CHMP7: variants seen among roughly 807,000 people sequenced by gnomAD.
CHMP7 encodes CHMP family, member 7.
CHMP7 carries 15 observed loss-of-function variants against 53.7 expected under a neutral mutation model. The ratio of observed to expected loss-of-function variants is 0.28; its 90% CI spans 0.19 to 0.43. CHMP7 has a LOEUF of 0.43. Ranked by LOEUF, CHMP7 falls within the 20% of genes least tolerant of loss-of-function variation. The probability of loss-of-function intolerance (pLI) is 1.00; values close to 1 mark genes in which losing one functional copy is unlikely to be tolerated. For synonymous variants in CHMP7, 261 were observed against 228.0 expected, an observed-to-expected ratio of 1.14 and a Z score of -1.30; for missense variants, 527 against 569.4, an observed-to-expected ratio of 0.93 and a Z score of 0.76.
rs1244817210 is a variant in CHMP7, at chr8:23,248,067, C to T, written c.299+1073C>T. On this transcript the variant is annotated intron_variant, in intron 2 of 10. Coordinates refer to ENST00000397677, the MANE Select transcript of CHMP7 (RefSeq NM_152272.5). ...ACTCAAGCGATCCTCCCACCTCAGC[C>T]TCCCAAAGTGTTAAGATTACAGGCG... 5 of 456,168 alleles carry T rather than the reference C, an allele frequency of 1.1e-5. No homozygotes were observed. The Admixed American group carries it at 1.2e-4, about 11-fold the overall frequency. The allele number at this position is 456,168 out of a possible 1,614,324, so 28.3% of individuals were successfully genotyped here. A position where few individuals can be genotyped will look rare whatever the true frequency, so the allele number is the denominator to read the frequency against.
chr8:23,258,449 G>T lies in CHMP7; in HGVS notation c.960G>T (p.Met320Ile). The T allele has an allele frequency of 6.2e-7, 1 of 1,613,960 alleles. No homozygotes were observed. The highest frequency in any genetic ancestry group is 8.5e-7 in the Non-Finnish European group (1 of 1,180,012). ...TCTATGCCTCCCAGACAGATCAGAT[G>T]GTAGTCACTCCCCTCTACTCCAGCA... ...DRIYASQTDQMVFNAYQAGVG... is the reference protein window; with the variant it reads ...DRIYASQTDQIVFNAYQAGVG... The change falls in exon 7 of 11, where the codon ATG becomes ATT. Residue 320 changes from methionine (M) to isoleucine (I), a missense_variant and splice_region_variant. Physicochemically the swap from Met to Ile is conservative, Grantham distance 10. Transcript: ENST00000397677.
chr8:23,258,485 C>G, intron 7 of CHMP7, 36 bp downstream of exon 7: 2 of 1,612,470 alleles, frequency 1.2e-6, no homozygotes, highest in Admixed American at 1.7e-5. Flanking sequence ...CTTGGCTGGT[C>G]TCTCCGTGTG....
intron 3 of CHMP7, chr8:23,255,017 G>T: frequency 1.7e-6 from 1 of 578,028 alleles, no homozygotes; most frequent in Non-Finnish European, 3.1e-6. Context: ...GCGCAGAGCT[G>T]GCTCCCAGCA....
At chr8:23,259,945 C>G (rs975921453) in intron 9 of CHMP7, 199 bp from the exon 10 acceptor site, 46 of 575,350 alleles carry the variant, frequency 8.0e-5, no homozygotes, top group Non-Finnish European at 1.1e-4. Flanking sequence ...GAATACACCT[C>G]CTTGGTGACT....
At chr8:23,249,077 A>G in intron 2 of CHMP7, 133 bp from the exon 3 acceptor site, 1 of 641,054 alleles carries the variant, frequency 1.6e-6, no homozygotes, top group Non-Finnish European at 2.5e-6. Flanking sequence ...TGTCGTTGGC[A>G]CAGCGTAGGT....
intron 1 of CHMP7, among the ~76,000 whole-genome samples, chr8:23,245,257 G>A (rs1006802014): frequency 1.3e-5 from 2 of 152,280 alleles, no homozygotes; most frequent in Admixed American, 1.3e-4. Context: ...TCTTATGTTG[G>A]CTGTAAGGTT....
intron 5 of CHMP7, among the ~76,000 whole-genome samples, chr8:23,257,208 C>T (rs140194555): frequency 7.2e-5 from 11 of 151,922 alleles, no homozygotes; most frequent in African/African-American, 2.4e-4. Flanking sequence ...GCAATCTTCC[C>T]GCCTTAGCCT....
intron 5 of CHMP7, among the ~76,000 whole-genome samples, chr8:23,256,920 G>A (rs1802156496): frequency 6.6e-6 from 1 of 150,618 alleles, no homozygotes; most frequent in Admixed American, 6.7e-5. Flanking sequence ...AGCCTCCCGA[G>A]TAGCTGGTAC....
intron 9 of CHMP7, among the ~76,000 whole-genome samples, 200 bp downstream of exon 9, chr8:23,259,326 G>T (rs1265412574): frequency 3.4e-5 from 5 of 149,182 alleles, no homozygotes; most frequent in Non-Finnish European, 7.4e-5. Flanking sequence ...CTGCCACTAT[G>T]CCCGGCTAAT....
In CHMP7 at chr8:23,260,897, T is replaced by C; in HGVS notation, c.*298T>C. On this transcript the variant is annotated 3_prime_UTR_variant, in exon 11 of 11. Coordinates refer to ENST00000397677, the MANE Select transcript of CHMP7 (RefSeq NM_152272.5). Reference sequence around the variant, plus strand: ...CTGCAGTTCTTGCCATTGGCACACTTAGATTTGTCTTCACCCACCAGCTTC... The same window carrying C: ...CTGCAGTTCTTGCCATTGGCACACTCAGATTTGTCTTCACCCACCAGCTTC... 2.3e-6 allele frequency: 1 copy of C among 427,476 alleles called. No individual in the cohort carries two copies. Among genetic ancestry groups the C allele is most frequent in the South Asian group, 4.0e-5 (1 of 25,276 alleles). The allele number at this position is 427,476 out of a possible 1,614,324, so 26.5% of individuals were successfully genotyped here.
chr8:23,256,839 C>T (rs1208108163), intron 5 of CHMP7, among the ~76,000 whole-genome samples: 1 of 134,810 alleles, frequency 7.4e-6, no homozygotes, highest in Non-Finnish European at 1.5e-5. Context: ...GTCACCCGGG[C>T]TGGAGTGCAG....
rs773647353 is a variant in CHMP7, at chr8:23,258,333, C to G, written c.844C>G (p.Leu282Val). 6.2e-7 allele frequency: 1 copy of G among 1,614,190 alleles called. No individual in the cohort carries two copies. Among genetic ancestry groups the G allele is most frequent in the African/African-American group, 1.3e-5 (1 of 75,060 alleles). Reference protein sequence around the residue: ...ACRAGKKQLALRSLKAKQRTE... With the variant: ...ACRAGKKQLAVRSLKAKQRTE... ...ACCTAAGTCTCCATGCCTCCAGGCA[C>G]TGAGGTCTCTCAAGGCCAAGCAACG... is the stretch of plus-strand genomic sequence containing the variant. Residue 282 changes from leucine (L) to valine (V), a missense_variant, in exon 7 of 11, where the codon CTG (leucine) becomes GTG (valine). Transcript: ENST00000397677.
Position 23,255,366 on chromosome 8 carries a change from C to G in CHMP7, c.591C>G (p.Phe197Leu), listed in dbSNP as rs1802084656. 6.2e-7 allele frequency: 1 copy of G among 1,614,202 alleles called. No homozygotes were observed. The highest frequency in any genetic ancestry group is 1.3e-5 in the African/African-American group (1 of 75,064). Residue 197 changes from phenylalanine (F) to leucine (L), a missense_variant, in exon 4 of 11, where the codon TTC becomes TTG. Transcript: ENST00000397677. ...CANSCPDERT[F>L]YLVLLQLQKE... ...ACTCCTGCCCAGATGAGAGGACCTT[C>G]TACTTGGTGTTGCTGCAGCTGCAGA...
At position 23,258,375 on chromosome 8, in the gene CHMP7, G is replaced by A; in HGVS notation, c.886G>A (p.Glu296Lys). The change falls in exon 7 of 11, where the codon GAG becomes AAG. Residue 296 changes from glutamate to lysine, a missense_variant. Transcript: ENST00000397677. The stretch of plus-strand genomic sequence containing the variant: ...CAAGCAACGGACAGAGAAGCGCATC[G>A]AGGCCTTGCATGCCAAGCTGGACAC... ...KAKQRTEKRIEALHAKLDTVQ... is the reference protein window; with the variant it reads ...KAKQRTEKRIKALHAKLDTVQ... 1.2e-6 allele frequency: 2 copies of A among 1,614,118 alleles called. No homozygotes were observed. Among genetic ancestry groups the A allele is most frequent in the Non-Finnish European group, 1.7e-6 (2 of 1,180,018 alleles).
At chr8:23,250,971 C>G (rs1801904805) in intron 3 of CHMP7, among the ~76,000 whole-genome samples, 1 of 152,188 alleles carries the variant, frequency 6.6e-6, no homozygotes, top group South Asian at 2.1e-4. Flanking sequence ...CATCTGCACC[C>G]CTTCCCCGCA....
Position 23,257,974 on chromosome 8 carries a change from T to C in CHMP7, c.792-59T>C, listed in dbSNP as rs1472229379. On this transcript the variant is annotated intron_variant, in intron 5 of 10. Coordinates refer to ENST00000397677, the MANE Select transcript of CHMP7 (RefSeq NM_152272.5). Reference sequence around the variant, plus strand: ...CTGAGTGCTGCTCTCAGGGACCCTTTGGGACCCTGCCACTCCCATCCTGTG... The same window carrying C: ...CTGAGTGCTGCTCTCAGGGACCCTTCGGGACCCTGCCACTCCCATCCTGTG... 3.4e-5 allele frequency: 41 copies of C among 1,218,816 alleles called. No homozygotes were observed. The East Asian group carries it at 3.7e-4, about 11-fold the overall frequency. The allele number at this position is 1,218,816 out of a possible 1,614,324, so 75.5% of individuals were successfully genotyped here. A position where few individuals can be genotyped will look rare whatever the true frequency, so the allele number is the denominator to read the frequency against.
chr8:23,256,912 C>G (rs1187957473), intron 5 of CHMP7, among the ~76,000 whole-genome samples: 23 of 151,194 alleles, frequency 1.5e-4, no homozygotes, highest in African/African-American at 5.4e-4. Context: ...CCTGCGCCAG[C>G]CTCCCGAGTA....
intron 3 of CHMP7, among the ~76,000 whole-genome samples, chr8:23,250,745 C>T (rs1378848096): frequency 6.6e-6 from 1 of 152,020 alleles, no homozygotes; most frequent in African/African-American, 2.4e-5. Flanking sequence ...GACCTCAGGG[C>T]CCTTGCATAG....
At chr8:23,254,849 G>A (rs960114065) in intron 3 of CHMP7, 2 of 314,862 alleles carry the variant, frequency 6.4e-6, no homozygotes, top group Non-Finnish European at 1.2e-5. Flanking sequence ...CTGAGGACTA[G>A]TGAGGCTGTG....
Sources: allele counts gnomAD v4.1 joint callset (sites outside exome capture counted in the v4.1 genomes callset), GRCh38; gene constraint gnomAD v4.1.1; transcripts MANE v1.5; gene names NCBI Gene and HGNC (gene_info 2026-07-23, HGNC 2026-07-21).